Variants in NAV2 observed in about 807,000 individuals in gnomAD.
NAV2 encodes neuron navigator 2, also known as helicase, APC down-regulated 1.
In NAV2, 54 loss-of-function variants were observed where a neutral mutation model predicts 223.2. That is an observed-to-expected ratio of 0.24 (90% confidence interval 0.19 to 0.30). NAV2 has a LOEUF of 0.30. Among genes scored for constraint, NAV2 ranks in the 10% least tolerant of loss-of-function variants. NAV2 has a pLI of 1.00. For missense variants in NAV2, 2,806 were observed against 3,147.5 expected (o/e 0.89, Z 2.60); for synonymous variants, 1,279 against 1,239.3 (o/e 1.03, Z -0.67).
chr11:19,956,394 A>ACTCT (rs1161280861), intron 10 of NAV2, among the ~76,000 whole-genome samples: 46 of 147,812 alleles, frequency 3.1e-4, no homozygotes, highest in African/African-American at 7.2e-4. Flanking sequence ...ACACACACAC[A>ACTCT]CGCTCTCTCT....
At chr11:19,880,217 A>G in intron 5 of NAV2, 90 bp downstream of exon 5, 2 of 1,439,934 alleles carry the variant, frequency 1.4e-6, no homozygotes, top group Admixed American at 2.9e-5. Flanking sequence ...TGGCTTTTTC[A>G]TTTGTGCTTC....
chr11:19,634,769 G>A (rs1001834997), intron 1 of NAV2, among the ~76,000 whole-genome samples: 3 of 152,236 alleles, frequency 2.0e-5, no homozygotes, highest in East Asian at 1.9e-4. Flanking sequence ...CAGAATTCTG[G>A]GGCACTGCAG....
At chr11:19,510,129 A>G (rs780741370) in intron 1 of NAV2, among the ~76,000 whole-genome samples, 12 of 152,224 alleles carry the variant, frequency 7.9e-5, no homozygotes, top group Non-Finnish European at 1.6e-4. Context: ...GATTGTATAG[A>G]GGAGAACGTG....
At chr11:19,771,249 A>G (rs1340023733) in intron 1 of NAV2, among the ~76,000 whole-genome samples, 1 of 152,228 alleles carries the variant, frequency 6.6e-6, no homozygotes, top group Admixed American at 6.5e-5. Context: ...ATAACAACAA[A>G]TGAAATGCAC....
At chr11:19,873,175 T>C (rs1006669039) in intron 4 of NAV2, among the ~76,000 whole-genome samples, 1 of 152,204 alleles carries the variant, frequency 6.6e-6, no homozygotes, top group African/African-American at 2.4e-5. Flanking sequence ...GGGCACATCC[T>C]GTATGCCAGG....
intron 1 of NAV2, among the ~76,000 whole-genome samples, chr11:19,494,360 CT>C (rs1170744382): frequency 8.5e-5 from 13 of 152,208 alleles, no homozygotes; most frequent in African/African-American, 3.1e-4. Context: ...TTCTTTCCCC[CT>C]AGGCCCCAAA....
intron 1 of NAV2, among the ~76,000 whole-genome samples, chr11:19,801,343 A>G (rs2058244707): frequency 6.6e-6 from 1 of 152,236 alleles, no homozygotes; most frequent in African/African-American, 2.4e-5. Context: ...GGGTCTCCCC[A>G]AAGGCAGAGT....
At chr11:19,628,503 AC>A (rs755031808) in intron 1 of NAV2, among the ~76,000 whole-genome samples, 4 of 152,196 alleles carry the variant, frequency 2.6e-5, no homozygotes, top group Admixed American at 6.5e-5. Flanking sequence ...GGTGAGTGAC[AC>A]AGATATATAT....
chr11:19,868,851 A>G, intron 3 of NAV2, 74 bp from the exon 4 acceptor site: 2 of 1,463,316 alleles, frequency 1.4e-6, no homozygotes, highest in South Asian at 2.4e-5. Flanking sequence ...CTGTTTTCCC[A>G]TTGTTCCTCA....
At chr11:20,073,200 T>A (rs1433776388) in intron 22 of NAV2, among the ~76,000 whole-genome samples, 2 of 152,132 alleles carry the variant, frequency 1.3e-5, no homozygotes, top group Non-Finnish European at 2.9e-5. Flanking sequence ...AATCATGTGG[T>A]TTTTGTCTTT....
chr11:19,944,007 G>A (rs1289160116), intron 8 of NAV2, among the ~76,000 whole-genome samples: 1 of 152,034 alleles, frequency 6.6e-6, no homozygotes, highest in African/African-American at 2.4e-5. Context: ...AGACCAGCCT[G>A]GCCAACATGG....
chr11:19,345,289 C>T, the NAV2 span, among the ~76,000 whole-genome samples: 1 of 152,220 alleles, frequency 6.6e-6, no homozygotes, highest in Non-Finnish European at 1.5e-5. The surrounding 1 kb of genome is among the most constrained non-coding windows in gnomAD (Gnocchi z 5.2). Flanking sequence ...GGAGGCGGCT[C>T]CGCGAAGCCG....
Position 19,633,473 on chromosome 11 carries a change from C to T in NAV2, c.76-199011C>T, listed in dbSNP as rs116733144. On this transcript the variant is annotated intron_variant, in intron 1 of 37. Transcript: ENST00000360655. ...CCCAGGAGGCCTGGTCAGTGGTTGCCTGGAGATTGAGAAATGTGTTGGCTC... is the reference window on the plus strand; with the variant it reads ...CCCAGGAGGCCTGGTCAGTGGTTGCTTGGAGATTGAGAAATGTGTTGGCTC... Among the ~76,000 whole-genome samples, 1,093 of 152,360 alleles carry T rather than the reference C, an allele frequency of 7.2e-3. 22 individuals carry two copies. The highest frequency in any genetic ancestry group is 0.025 in the African/African-American group (1,047 of 41,584).
At chr11:20,110,938 C>T (rs1041071503) in intron 36 of NAV2, among the ~76,000 whole-genome samples, 3 of 152,056 alleles carry the variant, frequency 2.0e-5, no homozygotes, top group Non-Finnish European at 2.9e-5. Context: ...TGGGATGGAG[C>T]GCTGCCCATG....
intron 29 of NAV2, 113 bp from the exon 30 acceptor site, chr11:20,095,557 CTT>C: frequency 1.4e-6 from 1 of 725,006 alleles, no homozygotes; most frequent in Non-Finnish European, 2.5e-6. Context: ...ACAAATAGGA[CTT>C]TTATTCCCCT....
At chr11:20,004,377 G>A (rs766183081) in intron 11 of NAV2, among the ~76,000 whole-genome samples, 13 of 152,092 alleles carry the variant, frequency 8.5e-5, no homozygotes, top group Non-Finnish European at 1.5e-4. Flanking sequence ...TGTCAAATGG[G>A]CATGTAAAGT....
At chr11:19,816,818 TA>T (rs2152831971) in intron 1 of NAV2, among the ~76,000 whole-genome samples, 1 of 152,338 alleles carries the variant, frequency 6.6e-6, no homozygotes, top group East Asian at 1.9e-4. Context: ...ATACCTATAA[TA>T]TCTATTATTT....
chr11:19,403,720 G>A (rs1849778503), intron 1 of NAV2, among the ~76,000 whole-genome samples: 1 of 152,172 alleles, frequency 6.6e-6, no homozygotes, highest in South Asian at 2.1e-4. Context: ...CTGTTCTAGT[G>A]TGGGAAGGCA....
chr11:20,003,750 G>A (rs2080024027), intron 11 of NAV2, among the ~76,000 whole-genome samples: 2 of 152,224 alleles, frequency 1.3e-5, no homozygotes, highest in South Asian at 4.1e-4. Flanking sequence ...GGCCAGACCA[G>A]GGCTGTGGGC....
Sources: allele counts gnomAD v4.1 joint callset (sites outside exome capture counted in the v4.1 genomes callset), GRCh38; gene constraint gnomAD v4.1.1; non-coding constraint Gnocchi (gnomAD v3.1); transcripts MANE v1.5; gene names NCBI Gene and HGNC (gene_info 2026-07-23, HGNC 2026-07-21).